FBXL17: variants seen among roughly 807,000 people sequenced by gnomAD.
FBXL17 encodes F-box and leucine rich repeat protein 17.
FBXL17 carries 22 observed loss-of-function variants against 66.2 expected under a neutral mutation model. That is an observed-to-expected ratio of 0.33 (90% CI 0.24 to 0.47). FBXL17 has a LOEUF of 0.47. FBXL17 is among the 20% of genes least tolerant of loss of function. The pLI, the probability that FBXL17 is intolerant of heterozygous loss-of-function variation, is 1.00. For missense variants in FBXL17, 878 were observed against 948.2 expected (o/e 0.93, Z 0.97); for synonymous variants, 474 against 400.5 (o/e 1.18, Z -2.19).
chr5:108,333,862 T>C (rs1760251410), intron 4 of FBXL17, among the ~76,000 whole-genome samples: 1 of 152,192 alleles, frequency 6.6e-6, no homozygotes, highest in African/African-American at 2.4e-5. Context: ...TTAATTCAAA[T>C]TTATTCAAAA....
At chr5:108,183,753 T>C (rs1753109204) in intron 6 of FBXL17, among the ~76,000 whole-genome samples, 1 of 152,116 alleles carries the variant, frequency 6.6e-6, no homozygotes, top group African/African-American at 2.4e-5. Flanking sequence ...ATGTCCATTA[T>C]ACCACTCTAT....
At chr5:107,879,874 A>T in intron 8 of FBXL17, 2 of 985,480 alleles carry the variant, frequency 2.0e-6, no homozygotes, top group Non-Finnish European at 2.4e-6. Flanking sequence ...GGGTTGTGCC[A>T]GCAGCACTGG....
chr5:108,273,925 T>C lies in FBXL17; in HGVS notation c.1507-49697A>G, dbSNP rs986782760. ...ATCATTAAAAAGTAGTAAAAACTAT[T>C]ATGTAAAAATCTAGGCTAATGAATA... On this transcript the variant is annotated intron_variant, in intron 4 of 8. Transcript: ENST00000542267. Among the ~76,000 whole-genome samples, 3 of 152,118 alleles carry C rather than the reference T, an allele frequency of 2.0e-5. No individual in the cohort carries two copies. In the East Asian group the frequency reaches 5.8e-4, roughly 29 times the overall value.
In FBXL17 at chr5:108,265,245, G is replaced by T. The variant is rs182973785; in HGVS notation, c.1507-41017C>A. On this transcript the variant is annotated intron_variant, in intron 4 of 8. Transcript: ENST00000542267. ...ACTTTATCAGTCATTCTACCTAATC[G>T]GATAGAACTATCTGCACTGATCTTC... Among the ~76,000 whole-genome samples the T allele has an allele frequency of 2.2e-4, 33 of 151,754 alleles. No homozygotes were observed. The East Asian group carries it at 5.6e-3, about 26-fold the overall frequency.
chr5:108,034,469 G>T (rs1746763600), intron 6 of FBXL17, among the ~76,000 whole-genome samples: 1 of 152,000 alleles, frequency 6.6e-6, no homozygotes, highest in Non-Finnish European at 1.5e-5. Flanking sequence ...AAATAGTAAA[G>T]CTAGATACCA....
chr5:108,224,140 C>G lies in FBXL17; in HGVS notation c.1595G>C (p.Gly532Ala). ...GFMGCSVTSK[G>A]VIHLTKLRNL... ...ACCTACCTTGGTTAGGTGAATGACTCCTTTAGAAGTGACTGAACAACCCAT... is the reference window on the plus strand; with the variant it reads ...ACCTACCTTGGTTAGGTGAATGACTGCTTTAGAAGTGACTGAACAACCCAT... Residue 532 changes from glycine to alanine, a missense_variant, in exon 5 of 9, where the codon GGA becomes GCA. Coordinates refer to ENST00000542267, the MANE Select transcript of FBXL17 (RefSeq NM_001163315.3). 6.2e-7 allele frequency: 1 copy of G among 1,606,338 alleles called. No homozygotes were observed. The highest frequency in any genetic ancestry group is 1.3e-5 in the African/African-American group (1 of 74,824).
chr5:108,372,590 C>T (rs1026908601), intron 1 of FBXL17, among the ~76,000 whole-genome samples: 4 of 152,088 alleles, frequency 2.6e-5, no homozygotes, highest in African/African-American at 9.7e-5. Flanking sequence ...TCACTGGAAA[C>T]CATGGAGACC....
At chr5:108,235,480 G>T (rs1464784055) in intron 4 of FBXL17, among the ~76,000 whole-genome samples, 1 of 151,986 alleles carries the variant, frequency 6.6e-6, no homozygotes, top group Non-Finnish European at 1.5e-5. Context: ...TTCTTTTCCG[G>T]GATATTTGGA....
At chr5:108,161,599 C>T (rs1432252699) in intron 6 of FBXL17, among the ~76,000 whole-genome samples, 1 of 152,196 alleles carries the variant, frequency 6.6e-6, no homozygotes, top group Non-Finnish European at 1.5e-5. Flanking sequence ...TCCTCATCAG[C>T]TGTAATAACC....
chr5:108,211,885 T>A (rs1754388866), intron 5 of FBXL17, among the ~76,000 whole-genome samples: 1 of 152,206 alleles, frequency 6.6e-6, no homozygotes, highest in Non-Finnish European at 1.5e-5. Flanking sequence ...TCTTGCTAGG[T>A]TGGGGAAGTT....
At chr5:108,093,669 G>C (rs528256366) in intron 6 of FBXL17, among the ~76,000 whole-genome samples, 266 of 152,196 alleles carry the variant, frequency 1.7e-3, no homozygotes, top group African/African-American at 6.1e-3. Context: ...AACATCTTCT[G>C]ATTTAGTCAT....
At chr5:108,057,574 A>T (rs1040890514) in intron 6 of FBXL17, among the ~76,000 whole-genome samples, 1 of 152,182 alleles carries the variant, frequency 6.6e-6, no homozygotes, top group African/African-American at 2.4e-5. Context: ...TTCAGCTACA[A>T]ATTAAATGCA....
intron 6 of FBXL17, among the ~76,000 whole-genome samples, chr5:108,032,537 G>C (rs541584260): frequency 6.6e-6 from 1 of 152,246 alleles, no homozygotes; most frequent in Admixed American, 6.6e-5. Context: ...TCACAAGAGA[G>C]AGGCAAATGA....
intron 4 of FBXL17, among the ~76,000 whole-genome samples, chr5:108,280,875 A>G (rs1757675087): frequency 6.6e-6 from 1 of 151,918 alleles, no homozygotes; most frequent in Admixed American, 6.6e-5. Flanking sequence ...AGCTATACTC[A>G]TATTAGATAA....
intron 7 of FBXL17, among the ~76,000 whole-genome samples, chr5:108,016,526 C>T (rs141041183): frequency 1.1e-4 from 17 of 152,272 alleles, no homozygotes; most frequent in Admixed American, 5.2e-4. Flanking sequence ...AGAAAGAAAC[C>T]TGGGTCATTT....
chr5:108,270,786 T>C (rs2150137211), intron 4 of FBXL17, among the ~76,000 whole-genome samples: 1 of 152,284 alleles, frequency 6.6e-6, no homozygotes, highest in Non-Finnish European at 1.5e-5. Flanking sequence ...TTAACAGTTT[T>C]AAATTATTAT....
intron 4 of FBXL17, among the ~76,000 whole-genome samples, chr5:108,300,194 C>T (rs928415518): frequency 1.4e-4 from 22 of 151,780 alleles, no homozygotes; most frequent in African/African-American, 5.3e-4. Context: ...AAAAGTTTTA[C>T]TCATTGATAC....
intron 4 of FBXL17, among the ~76,000 whole-genome samples, chr5:108,297,133 A>G (rs1427487829): frequency 6.6e-6 from 1 of 151,590 alleles, no homozygotes; most frequent in African/African-American, 2.4e-5. Context: ...AACTCCATAA[A>G]TAAACAGGGT....
intron 4 of FBXL17, among the ~76,000 whole-genome samples, chr5:108,316,444 T>C (rs1401121674): frequency 6.6e-6 from 1 of 151,360 alleles, no homozygotes; most frequent in Non-Finnish European, 1.5e-5. Context: ...ATTAATAAAA[T>C]CCTCTTTTAA....
Sources: allele counts gnomAD v4.1 joint callset (sites outside exome capture counted in the v4.1 genomes callset), GRCh38; gene constraint gnomAD v4.1.1; transcripts MANE v1.5; gene names NCBI Gene and HGNC (gene_info 2026-07-23, HGNC 2026-07-21).